Variants in LAMC2 observed in about 807,000 individuals in gnomAD.
The protein encoded by LAMC2 is laminin subunit gamma-2.
A neutral mutation model predicts 140.2 loss-of-function variants in LAMC2; 97 were observed. That is an observed-to-expected ratio of 0.69 (90% CI 0.59 to 0.82). LAMC2 has a LOEUF of 0.82. Ranked by LOEUF, LAMC2 falls within the 40% of genes least tolerant of loss-of-function variation. The pLI is 0.00. For synonymous variants in LAMC2, 513 were observed against 540.2 expected (o/e 0.95, Z 0.70); for missense variants, 1,402 against 1,476.1 (o/e 0.95, Z 0.82).
Position 183,224,154 on chromosome 1 carries a change from G to A in LAMC2, c.953+830G>A, listed in dbSNP as rs528409034. Among the ~76,000 whole-genome samples, 42 of 152,272 alleles carry A rather than the reference G, an allele frequency of 2.8e-4. 1 individual carries two copies. Among genetic ancestry groups the A allele is most frequent in the African/African-American group, 1.0e-3 (42 of 41,544 alleles). ...GAGTCAGGGAAACCTTCAGGAGGAGGCAATGTGTGGTCTAAGAATGGAAAG... is the reference window on the plus strand; with the variant it reads ...GAGTCAGGGAAACCTTCAGGAGGAGACAATGTGTGGTCTAAGAATGGAAAG... On this transcript the variant is annotated intron_variant, in intron 7 of 22. Coordinates refer to ENST00000264144, the MANE Select transcript of LAMC2 (RefSeq NM_005562.3).
chr1:183,208,652 G>A (rs1327994427), intron 2 of LAMC2, among the ~76,000 whole-genome samples: 1 of 152,114 alleles, frequency 6.6e-6, no homozygotes, highest in Non-Finnish European at 1.5e-5. Flanking sequence ...GGGGTGGCTG[G>A]TTCATAGGAG....
At chr1:183,252,692 C>G in the LAMC2 span, 4 of 1,614,076 alleles carry the variant, frequency 2.5e-6, no homozygotes, top group South Asian at 3.3e-5. Context: ...AGTCGATGAC[C>G]GGCTGGGACA....
In LAMC2 at chr1:183,228,735, A is replaced by G; in HGVS notation, c.1714+116A>G. ...ATCATGATGTTACTTTGATTCTCTG[A>G]CCAAACTGGCCTGTGAGCACCCTGG... On this transcript the variant is annotated intron_variant, in intron 11 of 22. Transcript: ENST00000264144. The surrounding 1 kb of genome is among the most constrained non-coding windows in gnomAD (Gnocchi z 4.3). The G allele has an allele frequency of 7.0e-7, 1 of 1,435,250 alleles. No individual in the cohort carries two copies. The highest frequency in any genetic ancestry group is 9.7e-7 in the Non-Finnish European group (1 of 1,032,710). The allele number at this position is 1,435,250 out of a possible 1,614,324, so 88.9% of individuals were successfully genotyped here.
intron 11 of LAMC2, among the ~76,000 whole-genome samples, chr1:183,229,625 G>C (rs1659741293): frequency 1.5e-5 from 2 of 130,210 alleles, no homozygotes; most frequent in African/African-American, 6.1e-5. Flanking sequence ...AACAGCGCAA[G>C]ACTCCATCTC....
At chr1:183,239,726 C>T in intron 20 of LAMC2, 163 bp downstream of exon 20, 1 of 670,802 alleles carries the variant, frequency 1.5e-6, no homozygotes, top group East Asian at 2.7e-5. Flanking sequence ...AGACGCATGA[C>T]AGAGAATGAT....
At chr1:183,253,794 T>A in the LAMC2 span, among the ~76,000 whole-genome samples, 1 of 152,232 alleles carries the variant, frequency 6.6e-6, no homozygotes, top group East Asian at 1.9e-4. Context: ...TCATGCAATA[T>A]TTTTATTTCT....
At chr1:183,194,635 A>G (rs1471015757) in intron 1 of LAMC2, among the ~76,000 whole-genome samples, 1 of 152,220 alleles carries the variant, frequency 6.6e-6, no homozygotes, top group African/African-American at 2.4e-5. Context: ...ACTTCTCTTT[A>G]TTCAGACACA....
At chr1:183,248,150 A>G (rs1415792908), downstream of LAMC2, 1 of 152,586 alleles carries the variant, frequency 6.6e-6, no homozygotes, top group Non-Finnish European at 1.5e-5. Context: ...CATTTTTACA[A>G]CTGTTGTCTC....
chr1:183,244,654 G>C lies in LAMC2; in HGVS notation c.*1254G>C, dbSNP rs1051979605. On this transcript the variant is annotated 3_prime_UTR_variant, in exon 23 of 23. Transcript: ENST00000264144. Reference sequence around the variant, plus strand: ...ACATATGTTGCAAGACCCTCCCATGGGGGCACTTGAGTTTTGGCAAGGCTG... The same window carrying C: ...ACATATGTTGCAAGACCCTCCCATGCGGGCACTTGAGTTTTGGCAAGGCTG... 2 of 152,646 alleles carry C rather than the reference G, an allele frequency of 1.3e-5. No individual in the cohort carries two copies. Among genetic ancestry groups the C allele is most frequent in the African/African-American group, 4.8e-5 (2 of 41,444 alleles). 9.5% of individuals were successfully genotyped at this position (152,646 alleles called of 1,614,324 possible). A position where few individuals can be genotyped will look rare whatever the true frequency, so the allele number is the denominator to read the frequency against.
At chr1:183,236,244 C>T (rs1394421253) in intron 16 of LAMC2, among the ~76,000 whole-genome samples, 1 of 151,714 alleles carries the variant, frequency 6.6e-6, no homozygotes, top group African/African-American at 2.4e-5. Context: ...AAAGGGGGGG[C>T]CAGGTGTGGT....
At chr1:183,227,744 G>T (rs777855965) in intron 10 of LAMC2, 47 bp downstream of exon 10, 1 of 1,556,460 alleles carries the variant, frequency 6.4e-7, no homozygotes, top group Admixed American at 1.7e-5. Context: ...CTGTCCTGAT[G>T]CCATGAATGT....
downstream of LAMC2, chr1:183,248,556 C>G (rs201640663): frequency 6.6e-6 from 1 of 152,114 alleles, no homozygotes; most frequent in Non-Finnish European, 1.5e-5. Context: ...TCATTCCTAA[C>G]CAGAACAGGC....
chr1:183,239,462 A>G lies in LAMC2; in HGVS notation c.2968A>G (p.Thr990Ala). Residue 990 changes from threonine (T) to alanine (A), a missense_variant, in exon 20 of 23, where the codon ACC becomes GCC. Physicochemically the swap from Thr to Ala is moderately conservative, Grantham distance 58. This residue lies in a region of LAMC2 where 670 missense variants were observed against 667.2 expected (regional missense o/e 1.00). Coordinates refer to ENST00000264144, the MANE Select transcript of LAMC2 (RefSeq NM_005562.3). ...GAAGGTTTCAGATGCCAGTGACAAG[A>G]CCCAGCAAGCAGAAAGAGCCCTGGG... is the stretch of plus-strand genomic sequence containing the variant. The part of the protein sequence containing the change: ...SQKVSDASDK[T>A]QQAERALGSA... The G allele has an allele frequency of 6.2e-7, 1 of 1,614,170 alleles. No homozygotes were observed. Among genetic ancestry groups the G allele is most frequent in the Non-Finnish European group, 8.5e-7 (1 of 1,180,010 alleles).
rs918251036 is a variant in LAMC2, at chr1:183,196,553, A to T, written c.79+10122A>T. Among the ~76,000 whole-genome samples the T allele has an allele frequency of 6.4e-4, 98 of 152,150 alleles. 4 individuals carry two copies. Among genetic ancestry groups the T allele is most frequent in the Non-Finnish European group, 1.5e-5 (1 of 68,036 alleles). On this transcript the variant is annotated intron_variant, in intron 1 of 22. Coordinates refer to ENST00000264144, the MANE Select transcript of LAMC2 (RefSeq NM_005562.3). ...TTTTAAAAGTGGGTATATGCAACTG[A>T]AACTTTATTCACCATCTTCAGTATA...
intron 1 of LAMC2, among the ~76,000 whole-genome samples, chr1:183,197,411 G>A (rs768621986): frequency 6.6e-6 from 1 of 152,062 alleles, no homozygotes; most frequent in East Asian, 1.9e-4. Context: ...GCAGTGACTC[G>A]TGCCTGTAAT....
At chr1:183,189,204 G>C (rs906072555) in intron 1 of LAMC2, among the ~76,000 whole-genome samples, 16 of 152,192 alleles carry the variant, frequency 1.1e-4, no homozygotes, top group African/African-American at 2.4e-5. Context: ...GTATAGGAAA[G>C]TTGAGAGAAA....
chr1:183,234,114 T>C (rs890161844), intron 14 of LAMC2, among the ~76,000 whole-genome samples: 26 of 152,190 alleles, frequency 1.7e-4, no homozygotes, highest in African/African-American at 6.3e-4. Context: ...CTTGAACTCC[T>C]GACCTCAGGT....
intron 17 of LAMC2, 147 bp downstream of exon 17, chr1:183,236,751 C>T: frequency 1.1e-6 from 1 of 948,876 alleles, no homozygotes; most frequent in Non-Finnish European, 1.7e-6. Flanking sequence ...TTAGCCTTCT[C>T]ATTACCCATT....
intron 1 of LAMC2, among the ~76,000 whole-genome samples, chr1:183,205,488 T>C (rs771733600): frequency 4.6e-5 from 7 of 152,318 alleles, no homozygotes; most frequent in African/African-American, 7.2e-5. Flanking sequence ...GGGATAAAAA[T>C]ATCTAGTCCT....
Sources: allele counts gnomAD v4.1 joint callset (sites outside exome capture counted in the v4.1 genomes callset), GRCh38; gene constraint gnomAD v4.1.1; regional missense constraint gnomAD v4.1.1; non-coding constraint Gnocchi (gnomAD v3.1); transcripts MANE v1.5; gene names NCBI Gene and HGNC (gene_info 2026-07-23, HGNC 2026-07-21).